The following ZNF124 variants were observed in gnomAD, a reference collection of about 807,000 sequenced individuals.
The protein encoded by ZNF124 is zinc finger protein HZF-16.
ZNF124 carries 25 observed loss-of-function variants against 26.6 expected under a neutral mutation model. The ratio of observed to expected loss-of-function variants is 0.94; its 90% CI spans 0.68 to 1.31. ZNF124 has a LOEUF of 1.31. Among genes scored for constraint, ZNF124 ranks in the 40% most tolerant of loss-of-function variants. ZNF124 has a pLI of 0.00. For missense variants in ZNF124, 444 were observed against 422.2 expected (o/e 1.05, Z -0.45); for synonymous variants, 129 against 133.3 (o/e 0.97, Z 0.22).
chr1:247,156,714 C>G lies in ZNF124; in HGVS notation c.908G>C (p.Ser303Thr), dbSNP rs1296844775. ...NNCGKGFRCS[S>T]SLRDHERTHT... ...AGTCCTTTCATGGTCACGAAGGGAACTGGAACATCTGAAGCCTTTACCACA... is the reference window on the plus strand; with the variant it reads ...AGTCCTTTCATGGTCACGAAGGGAAGTGGAACATCTGAAGCCTTTACCACA... Residue 303 changes from serine (S) to threonine (T), a missense_variant, in exon 4 of 4, where the codon AGT becomes ACT. Transcript: ENST00000543802. 6.2e-7 allele frequency: 1 copy of G among 1,613,182 alleles called. No homozygotes were observed. Among genetic ancestry groups the G allele is most frequent in the South Asian group, 1.1e-5 (1 of 90,930 alleles).
chr1:247,172,367 C>G (rs908140848), upstream of ZNF124, among the ~76,000 whole-genome samples: 1 of 151,942 alleles, frequency 6.6e-6, no homozygotes, highest in African/African-American at 2.4e-5. Context: ...CCTTCATGGC[C>G]TCTGGTCTTC....
At chr1:247,135,490 A>G (rs1225294530) in intron 3 of ZNF124, among the ~76,000 whole-genome samples, 1 of 152,218 alleles carries the variant, frequency 6.6e-6, no homozygotes, top group African/African-American at 2.4e-5. Flanking sequence ...AAGACGTCAC[A>G]TCCCTAAGTA....
At chr1:247,159,655 TTGAC>T (rs750838728) in intron 2 of ZNF124, 28 bp downstream of exon 2, 6 of 1,600,654 alleles carry the variant, frequency 3.7e-6, no homozygotes, top group East Asian at 4.5e-5. Context: ...TACTTTCTGA[TTGAC>T]TAAGTGAAGA....
rs1464287660 is a variant in ZNF124 at position 247,126,402 on chromosome 1, C to A, written c.219-2531G>T. Among the ~76,000 whole-genome samples the A allele has an allele frequency of 1.2e-4, 6 of 50,434 alleles. No homozygotes were observed. The South Asian group carries it at 2.7e-3, about 23-fold the overall frequency. 33.1% of individuals were successfully genotyped at this position (50,434 alleles called of 152,430 possible). A position where few individuals can be genotyped will look rare whatever the true frequency, so the allele number is the denominator to read the frequency against. ...CTAATCCGGCGCTCCGCTAGAAAAC[C>A]CGAGGCGGCTTCCGGGTGTGCCCGG... is the stretch of plus-strand genomic sequence containing the variant. On this transcript the variant is annotated intron_variant, in intron 3 of 3. Coordinates refer to the ZNF124 transcript ENST00000472531.
In ZNF124 at chr1:247,138,369, A is replaced by C. The variant is rs961036181; in HGVS notation, c.219-14498T>G. ...CATCATCCTCAGCAAACACAGGAAC[A>C]GAAAACTAAACACTGCACGTTCTCA... is the stretch of plus-strand genomic sequence containing the variant. On this transcript the variant is annotated intron_variant, in intron 3 of 3. Transcript: ENST00000472531. The C allele has an allele frequency of 5.3e-5, 9 of 168,592 alleles. No individual in the cohort carries two copies. The Admixed American group carries it at 5.7e-4, about 11-fold the overall frequency. The allele number at this position is 168,592 out of a possible 1,614,324, so 10.4% of individuals were successfully genotyped here.
intron 3 of ZNF124, among the ~76,000 whole-genome samples, chr1:247,146,098 C>T (rs1406709939): frequency 6.6e-6 from 1 of 152,204 alleles, no homozygotes; most frequent in Admixed American, 6.5e-5. Flanking sequence ...GGTGTGACCA[C>T]CCCACTCAGG....
At chr1:247,123,504 C>T (rs1182778552) in exon 4 of ZNF124, 7 of 195,528 alleles carry the variant, frequency 3.6e-5, no homozygotes, top group South Asian at 1.7e-4. Flanking sequence ...CTACGTGAGC[C>T]GTTTTTTGTT....
At chr1:247,125,341 T>C (rs373362026) in intron 3 of ZNF124, among the ~76,000 whole-genome samples, 2 of 152,118 alleles carry the variant, frequency 1.3e-5, no homozygotes, top group East Asian at 3.9e-4. Context: ...GCCAGACTGT[T>C]TTCCAGAGTG....
At chr1:247,125,430 CTTTTT>C (rs71566695) in intron 3 of ZNF124, among the ~76,000 whole-genome samples, 727 of 43,136 alleles carry the variant, frequency 0.017, no homozygotes, top group African/African-American at 0.039. Context: ...CTGTTTTTGT[CTTTTT>C]TTTTTTTTTT....
At chr1:247,130,223 A>G (rs1034059897) in intron 3 of ZNF124, among the ~76,000 whole-genome samples, 1 of 152,240 alleles carries the variant, frequency 6.6e-6, no homozygotes, top group African/African-American at 2.4e-5. Flanking sequence ...AATATTAGAT[A>G]TCTAGTCATA....
At chr1:247,164,097 C>T (rs1305499265) in intron 1 of ZNF124, among the ~76,000 whole-genome samples, 2 of 152,176 alleles carry the variant, frequency 1.3e-5, no homozygotes, top group Non-Finnish European at 2.9e-5. Flanking sequence ...TTCAACATCC[C>T]TTCATGTTAA....
intron 3 of ZNF124, among the ~76,000 whole-genome samples, chr1:247,147,085 C>A (rs1299025282): frequency 6.6e-6 from 1 of 151,422 alleles, no homozygotes; most frequent in Non-Finnish European, 1.5e-5. Context: ...GTGCAGAGTC[C>A]CATTGGTTCT....
At chr1:247,163,948 G>T (rs1572096803) in intron 1 of ZNF124, among the ~76,000 whole-genome samples, 1 of 152,028 alleles carries the variant, frequency 6.6e-6, no homozygotes, top group East Asian at 1.9e-4. Context: ...CCACCACCAT[G>T]ATTAAGTAGG....
Position 247,159,068 on chromosome 1 carries a change from T to A in ZNF124, c.158-2A>T. On this transcript the variant is annotated splice_acceptor_variant, in intron 2 of 3. Coordinates refer to ENST00000543802, the MANE Select transcript of ZNF124 (RefSeq NM_001297568.2). LOFTEE classifies it high-confidence loss of function. The stretch of plus-strand genomic sequence containing the variant: ...TGCTCTGGTCTTCCCCTTTGTTTCC[T>A]AAAATGTAGACCCAGAAATATATTA... The A allele has an allele frequency of 6.2e-7, 1 of 1,610,874 alleles. No individual in the cohort carries two copies. Among genetic ancestry groups the A allele is most frequent in the Admixed American group, 1.7e-5 (1 of 59,190 alleles).
At position 247,159,944 on chromosome 1, in the gene ZNF124, CTCTG is replaced by C. The variant is rs1673382442; in HGVS notation, c.31-135_31-132del. On this transcript the variant is annotated intron_variant, in intron 1 of 3. Coordinates refer to ENST00000543802, the MANE Select transcript of ZNF124 (RefSeq NM_001297568.2). ...TACTATTTGGTCACTAGAACTATGACTCTGTCTACACTTCCTTTCTCCCACATAG... is the reference window on the plus strand; with the variant it reads ...TACTATTTGGTCACTAGAACTATGACTCTACACTTCCTTTCTCCCACATAG... 3 of 877,606 alleles carry C rather than the reference CTCTG, an allele frequency of 3.4e-6. No individual in the cohort carries two copies. In the East Asian group the frequency reaches 1.0e-4, roughly 29 times the overall value. The allele number at this position is 877,606 out of a possible 1,614,324, so 54.4% of individuals were successfully genotyped here. A position where few individuals can be genotyped will look rare whatever the true frequency, so the allele number is the denominator to read the frequency against.
chr1:247,130,157 G>A (rs1470849583), intron 3 of ZNF124, among the ~76,000 whole-genome samples: 3 of 152,300 alleles, frequency 2.0e-5, no homozygotes, highest in Middle Eastern at 3.4e-3. Context: ...CATTTTATCA[G>A]TACAGCTTGA....
At chr1:247,131,263 G>T (rs189977716) in intron 3 of ZNF124, among the ~76,000 whole-genome samples, 3 of 152,078 alleles carry the variant, frequency 2.0e-5, no homozygotes, top group Non-Finnish European at 4.4e-5. Flanking sequence ...GAGTGAGTGC[G>T]CTACCCAGCT....
rs1274713499 is a variant in ZNF124 at position 247,168,400 on chromosome 1, G to C, written c.30+3448C>G. ...AAAAAAAATTTAGCTGGGCGTGATG[G>C]TGCATGCCTGTAGTCCCAGCTACTT... On this transcript the variant is annotated intron_variant, in intron 1 of 3. Transcript: ENST00000543802. This position sits in a 1 kb window ranked among gnomAD's most constrained non-coding sequence, Gnocchi z 4.0. 1.3e-5 allele frequency among the ~76,000 whole-genome samples: 2 copies of C among 152,194 alleles called. No homozygotes were observed. Among genetic ancestry groups the C allele is most frequent in the Non-Finnish European group, 2.9e-5 (2 of 68,042 alleles).
chr1:247,150,040 C>G (rs1005112706), downstream of ZNF124: 2 of 152,202 alleles, frequency 1.3e-5, no homozygotes, highest in African/African-American at 4.8e-5. Flanking sequence ...GATGAGGGCA[C>G]AGCCTTTATG....
Sources: allele counts gnomAD v4.1 joint callset (sites outside exome capture counted in the v4.1 genomes callset), GRCh38; gene constraint gnomAD v4.1.1; non-coding constraint Gnocchi (gnomAD v3.1); transcripts MANE v1.5; gene names NCBI Gene and HGNC (gene_info 2026-07-23, HGNC 2026-07-21).